CORO2B: variants seen among roughly 807,000 people sequenced by gnomAD.
CORO2B encodes coronin 2B, also known as coronin-2B.
CORO2B carries 26 observed loss-of-function variants against 58.8 expected under a neutral mutation model. The ratio of observed to expected loss-of-function variants is 0.44; its 90% confidence interval spans 0.32 to 0.61. The LOEUF (loss-of-function observed/expected upper bound fraction) is 0.61. Ranked by LOEUF, CORO2B falls within the 20% of genes least tolerant of loss-of-function variation. The pLI, the probability that CORO2B is intolerant of heterozygous loss-of-function variation, is 0.04. For missense variants in CORO2B, 460 were observed against 645.1 expected (o/e 0.71, Z 3.11); for synonymous variants, 242 against 253.8 (o/e 0.95, Z 0.44).
At chr15:68,535,500 T>A in the CORO2B span, among the ~76,000 whole-genome samples, 1 of 152,096 alleles carries the variant, frequency 6.6e-6, no homozygotes, top group Non-Finnish European at 1.5e-5. Context: ...ATGAGGCACA[T>A]GGTAGACATT....
At chr15:68,668,550 C>G (rs77367507) in intron 2 of CORO2B, among the ~76,000 whole-genome samples, 1 of 152,144 alleles carries the variant, frequency 6.6e-6, no homozygotes, top group Non-Finnish European at 1.5e-5. Context: ...AAGTAAAGAG[C>G]ATGCGGAAGA....
chr15:68,590,285 C>T (rs910204795), intron 1 of CORO2B, among the ~76,000 whole-genome samples: 3 of 151,226 alleles, frequency 2.0e-5, no homozygotes, highest in Non-Finnish European at 4.4e-5. Flanking sequence ...GCCTGGGAGC[C>T]ACAAACTCAG....
At chr15:68,703,998 A>G (rs1276952806) in intron 3 of CORO2B, among the ~76,000 whole-genome samples, 1 of 150,538 alleles carries the variant, frequency 6.6e-6, no homozygotes. Context: ...GTTCGAGACC[A>G]ACCTGGGCAA....
chr15:68,585,587 C>T (rs1395519070), intron 1 of CORO2B, among the ~76,000 whole-genome samples: 2 of 152,212 alleles, frequency 1.3e-5, no homozygotes, highest in African/African-American at 4.8e-5. Flanking sequence ...ACACTTTCAT[C>T]TCACTTCCAG....
At chr15:68,686,641 G>A (rs913809950) in intron 2 of CORO2B, among the ~76,000 whole-genome samples, 55 of 152,164 alleles carry the variant, frequency 3.6e-4, no homozygotes, top group Non-Finnish European at 7.9e-4. Context: ...GCTCACGCCT[G>A]TAATCCCAGC....
chr15:68,571,680 A>C, the CORO2B span, among the ~76,000 whole-genome samples: 1 of 152,228 alleles, frequency 6.6e-6, no homozygotes, highest in South Asian at 2.1e-4. Context: ...ACACACAAAA[A>C]ACATTCGCCC....
At chr15:68,656,144 A>ACCCCTC in intron 2 of CORO2B, among the ~76,000 whole-genome samples, 1 of 102,814 alleles carries the variant, frequency 9.7e-6, no homozygotes, top group East Asian at 2.9e-4. Context: ...ACTGCTGCCC[A>ACCCCTC]CCCCTCCCCC....
chr15:68,687,059 A>G (rs1903007665), intron 2 of CORO2B, among the ~76,000 whole-genome samples: 1 of 152,078 alleles, frequency 6.6e-6, no homozygotes. Context: ...CTCAATATGG[A>G]TTCCTGTGTT....
intron 2 of CORO2B, among the ~76,000 whole-genome samples, chr15:68,646,944 T>C (rs1901452031): frequency 6.6e-6 from 1 of 152,162 alleles, no homozygotes; most frequent in African/African-American, 2.4e-5. Context: ...AGGGACGCAC[T>C]CAGCTCCATC....
At chr15:68,626,076 T>G (rs1168513742) in intron 1 of CORO2B, among the ~76,000 whole-genome samples, 1 of 152,238 alleles carries the variant, frequency 6.6e-6, no homozygotes, top group Non-Finnish European at 1.5e-5. Context: ...AAATGCAATT[T>G]GTTTGATTCA....
chr15:68,611,249 CTA>C (rs1900241906), intron 1 of CORO2B, among the ~76,000 whole-genome samples: 1 of 152,150 alleles, frequency 6.6e-6, no homozygotes, highest in Non-Finnish European at 1.5e-5. Context: ...ATAACAGTGT[CTA>C]TTTCAGATTG....
intron 2 of CORO2B, among the ~76,000 whole-genome samples, chr15:68,646,540 C>G (rs2140273972): frequency 6.6e-6 from 1 of 152,360 alleles, no homozygotes; most frequent in South Asian, 2.1e-4. Flanking sequence ...AGAGGGGCAG[C>G]TGCAGGGACA....
At chr15:68,627,412 A>C (rs1900714351) in intron 1 of CORO2B, among the ~76,000 whole-genome samples, 1 of 151,994 alleles carries the variant, frequency 6.6e-6, no homozygotes, top group Non-Finnish European at 1.5e-5. Context: ...AGGAAGAAAG[A>C]GTGTGTTGGT....
intron 8 of CORO2B, 66 bp downstream of exon 8, chr15:68,715,377 T>C: frequency 8.8e-7 from 1 of 1,137,038 alleles, no homozygotes; most frequent in Non-Finnish European, 1.3e-6. Context: ...GGCCCATGGG[T>C]CACCCCCTCC....
intron 1 of CORO2B, among the ~76,000 whole-genome samples, chr15:68,588,829 T>G (rs548947259): frequency 3.6e-5 from 5 of 138,738 alleles, no homozygotes; most frequent in Non-Finnish European, 7.7e-5. Flanking sequence ...GGGATTTAAT[T>G]CCTGAGGATT....
intron 1 of CORO2B, among the ~76,000 whole-genome samples, chr15:68,585,048 T>G (rs575455864): frequency 6.6e-6 from 1 of 152,310 alleles, no homozygotes; most frequent in South Asian, 2.1e-4. Context: ...GGAGGGACTT[T>G]GTAATTGGTT....
chr15:68,699,637 C>T (rs749297362), intron 3 of CORO2B, among the ~76,000 whole-genome samples: 2 of 152,172 alleles, frequency 1.3e-5, no homozygotes, highest in Non-Finnish European at 2.9e-5. Context: ...GCATCTTACC[C>T]GGGTGTCCAC....
At chr15:68,551,167 C>G in the CORO2B span, among the ~76,000 whole-genome samples, 3,574 of 152,148 alleles carry the variant, frequency 0.023, 54 homozygotes, top group Non-Finnish European at 0.033. Flanking sequence ...AGTGGGCAGA[C>G]AGGGGTGCCG....
intron 2 of CORO2B, among the ~76,000 whole-genome samples, chr15:68,667,772 A>C (rs1463609245): frequency 1.3e-5 from 2 of 151,868 alleles, no homozygotes; most frequent in Non-Finnish European, 2.9e-5. Context: ...AGCTAGTTCT[A>C]TGTTTTAGTG....
Sources: gnomAD v4.1 joint callset for allele counts (sites outside exome capture counted in the v4.1 genomes callset) on GRCh38, gnomAD v4.1.1 for gene constraint, MANE v1.5 for transcripts, NCBI Gene and HGNC (gene_info 2026-07-23, HGNC 2026-07-21) for gene names.